Variants in CLVS1 observed in about 807,000 individuals in gnomAD.
CLVS1 encodes clavesin-1.
In CLVS1, 10 loss-of-function variants were observed where a neutral mutation model predicts 33.1. The ratio of observed to expected loss-of-function variants is 0.30; its 90% CI spans 0.19 to 0.51. The LOEUF (loss-of-function observed/expected upper bound fraction) is 0.51. Ranked by LOEUF, CLVS1 falls within the 20% of genes least tolerant of loss-of-function variation. The pLI is 0.97. For missense variants in CLVS1, 343 were observed against 433.4 expected (o/e 0.79, Z 1.85); for synonymous variants, 163 against 166.1 (o/e 0.98, Z 0.14).
chr8:60,994,093 G>A, the CLVS1 span, among the ~76,000 whole-genome samples: 1 of 152,146 alleles, frequency 6.6e-6, no homozygotes, highest in Admixed American at 6.5e-5. Context: ...TCACAGTTTT[G>A]AAGGCTGGAA....
chr8:61,237,844 GGGAGCC>G lies in CLVS1; in HGVS notation c.-151-61832_-151-61827del, dbSNP rs1316616946. Reference sequence around the variant, plus strand: ...AAATCCACGGGGGTTCAGAGACACAGGGAGCCCAGAGGATGTGTGGTGGGCTTTCTG... The same window carrying G: ...AAATCCACGGGGGTTCAGAGACACAGCAGAGGATGTGTGGTGGGCTTTCTG... On this transcript the variant is annotated intron_variant, in intron 2 of 2. Coordinates refer to the CLVS1 transcript ENST00000522621. 9.3e-5 allele frequency among the ~76,000 whole-genome samples: 14 copies of G among 150,908 alleles called. No individual in the cohort carries two copies. In the East Asian group the frequency reaches 2.8e-3, roughly 30 times the overall value.
intron 2 of CLVS1, among the ~76,000 whole-genome samples, chr8:61,266,418 C>T (rs1417931863): frequency 6.6e-6 from 1 of 151,972 alleles, no homozygotes; most frequent in Non-Finnish European, 1.5e-5. Context: ...CTTTTCTTCC[C>T]CCAGGCCAAA....
At chr8:61,239,691 T>C (rs1808652022) in intron 2 of CLVS1, among the ~76,000 whole-genome samples, 1 of 152,090 alleles carries the variant, frequency 6.6e-6, no homozygotes, top group African/African-American at 2.4e-5. Flanking sequence ...GAGCCAAGAT[T>C]ACACCACTGC....
chr8:61,258,912 A>G (rs967461527), intron 2 of CLVS1, among the ~76,000 whole-genome samples: 1 of 152,226 alleles, frequency 6.6e-6, no homozygotes, highest in African/African-American at 2.4e-5. Flanking sequence ...TTCCAAAGGT[A>G]TAGAGTAAAC....
chr8:61,087,740 G>A (rs1487435348), intron 1 of CLVS1, among the ~76,000 whole-genome samples: 2 of 152,178 alleles, frequency 1.3e-5, no homozygotes, highest in African/African-American at 4.8e-5. Context: ...GGGGTGGGAA[G>A]GGAAGTGTTC....
At chr8:61,027,569 ACT>A in the CLVS1 span, among the ~76,000 whole-genome samples, 4 of 152,006 alleles carry the variant, frequency 2.6e-5, no homozygotes, top group Non-Finnish European at 4.4e-5. Context: ...TTTAAAAATA[ACT>A]CTCTTTTGCT....
intron 1 of CLVS1, among the ~76,000 whole-genome samples, chr8:61,074,761 T>C (rs1017910476): frequency 3.9e-5 from 6 of 151,950 alleles, no homozygotes; most frequent in Admixed American, 3.9e-4. Context: ...GTGTAGACAA[T>C]AATATTACCT....
intron 5 of CLVS1, among the ~76,000 whole-genome samples, chr8:61,491,099 TAAAG>T (rs1379964878): frequency 6.6e-6 from 1 of 152,224 alleles, no homozygotes. Context: ...AGAAGGAAGT[TAAAG>T]CAAATGTTGA....
intron 2 of CLVS1, among the ~76,000 whole-genome samples, chr8:61,270,417 A>C (rs904981992): frequency 6.6e-6 from 1 of 152,180 alleles, no homozygotes; most frequent in East Asian, 1.9e-4. Context: ...TCATTTTGCC[A>C]GTATTTTATT....
At chr8:61,185,462 A>G (rs1002486992) in intron 2 of CLVS1, among the ~76,000 whole-genome samples, 3 of 152,076 alleles carry the variant, frequency 2.0e-5, no homozygotes, top group African/African-American at 7.2e-5. Flanking sequence ...TTAAGAATTC[A>G]GTTTTAATGG....
chr8:61,269,365 C>G (rs887405976), intron 2 of CLVS1, among the ~76,000 whole-genome samples: 2 of 152,132 alleles, frequency 1.3e-5, no homozygotes, highest in Non-Finnish European at 2.9e-5. Flanking sequence ...TGTTCTGTTC[C>G]ATTCGTCTAT....
chr8:61,451,577 CCT>C (rs1177421497), intron 3 of CLVS1, among the ~76,000 whole-genome samples: 2 of 152,078 alleles, frequency 1.3e-5, no homozygotes, highest in Non-Finnish European at 2.9e-5. Context: ...TGAACCAAGG[CCT>C]ATGATCTTGA....
At chr8:61,027,947 A>C in the CLVS1 span, among the ~76,000 whole-genome samples, 1 of 152,246 alleles carries the variant, frequency 6.6e-6, no homozygotes, top group African/African-American at 2.4e-5. Context: ...GATAAGGTGC[A>C]TTAAGCAATC....
chr8:61,396,287 C>T (rs1814525261), intron 3 of CLVS1, among the ~76,000 whole-genome samples: 1 of 151,940 alleles, frequency 6.6e-6, no homozygotes, highest in African/African-American at 2.4e-5. Flanking sequence ...TAATATACAC[C>T]ATTTCCTTTT....
chr8:61,449,194 C>CT (rs1375886610), intron 3 of CLVS1, among the ~76,000 whole-genome samples: 2 of 152,200 alleles, frequency 1.3e-5, no homozygotes, highest in African/African-American at 4.8e-5. Context: ...GGAGTTCTGG[C>CT]TCCCCACATG....
intron 2 of CLVS1, among the ~76,000 whole-genome samples, chr8:61,172,852 G>C (rs1807033438): frequency 6.6e-6 from 1 of 152,134 alleles, no homozygotes; most frequent in Non-Finnish European, 1.5e-5. Flanking sequence ...GTCTTCTTCA[G>C]GTGATGGAAA....
At chr8:61,037,840 T>C in the CLVS1 span, among the ~76,000 whole-genome samples, 1 of 152,142 alleles carries the variant, frequency 6.6e-6, no homozygotes, top group East Asian at 1.9e-4. Context: ...CATTTATCAT[T>C]ATTCATGGCA....
intron 2 of CLVS1, among the ~76,000 whole-genome samples, chr8:61,361,699 A>T (rs905541687): frequency 6.6e-6 from 1 of 152,108 alleles, no homozygotes; most frequent in Admixed American, 6.6e-5. Context: ...CCATGTTTCT[A>T]TCCCTACTTT....
intron 3 of CLVS1, among the ~76,000 whole-genome samples, chr8:61,441,842 A>G (rs1181658514): frequency 6.6e-6 from 1 of 152,232 alleles, no homozygotes; most frequent in Non-Finnish European, 1.5e-5. Flanking sequence ...TGCATTTCTA[A>G]TGGATTGCAA....
Sources: gnomAD v4.1 joint callset for allele counts (sites outside exome capture counted in the v4.1 genomes callset) on GRCh38, gnomAD v4.1.1 for gene constraint, MANE v1.5 for transcripts, NCBI Gene and HGNC (gene_info 2026-07-23, HGNC 2026-07-21) for gene names.